Variants in MAN2A1 observed in about 807,000 individuals in gnomAD.
MAN2A1 encodes alpha-mannosidase 2.
In MAN2A1, 76 loss-of-function variants were observed where a neutral mutation model predicts 142.6. The observed-to-expected ratio is 0.53, with a 90% CI of 0.44 to 0.65. The LOEUF is 0.65. Among genes scored for constraint, MAN2A1 ranks in the 30% least tolerant of loss-of-function variants. The pLI, the probability that MAN2A1 is intolerant of heterozygous loss-of-function variation, is 0.00. For missense variants in MAN2A1, 1,311 were observed against 1,365.1 expected (o/e 0.96, Z 0.62); for synonymous variants, 559 against 473.2 (o/e 1.18, Z -2.35).
intron 1 of MAN2A1, among the ~76,000 whole-genome samples, chr5:109,698,285 G>A (rs1197749060): frequency 6.6e-6 from 1 of 152,216 alleles, no homozygotes; most frequent in Non-Finnish European, 1.5e-5. Flanking sequence ...GGTACTTTCA[G>A]GTTGTCAGCA....
At chr5:109,798,280 A>G (rs1338285398) in intron 12 of MAN2A1, among the ~76,000 whole-genome samples, 12 of 152,208 alleles carry the variant, frequency 7.9e-5, no homozygotes, top group Admixed American at 7.8e-4. Flanking sequence ...AAAAAATACC[A>G]ACTTCTGGTG....
At chr5:109,733,328 T>A (rs1446550073) in intron 4 of MAN2A1, among the ~76,000 whole-genome samples, 1 of 152,218 alleles carries the variant, frequency 6.6e-6, no homozygotes, top group Non-Finnish European at 1.5e-5. Context: ...TGTGACTTCC[T>A]CTTTTCCTAA....
intron 16 of MAN2A1, among the ~76,000 whole-genome samples, chr5:109,829,694 A>C (rs973386830): frequency 1.3e-5 from 2 of 152,168 alleles, no homozygotes; most frequent in Non-Finnish European, 2.9e-5. Context: ...TAAAATTTCC[A>C]TTGAAAGCCC....
chr5:109,796,437 T>C (rs1446323111), intron 12 of MAN2A1, among the ~76,000 whole-genome samples: 1 of 152,240 alleles, frequency 6.6e-6, no homozygotes, highest in Admixed American at 6.5e-5. Context: ...TCTTCTACTT[T>C]AACTTTTATT....
intron 4 of MAN2A1, among the ~76,000 whole-genome samples, chr5:109,733,909 A>G (rs910031526): frequency 6.6e-5 from 10 of 151,750 alleles, no homozygotes; most frequent in South Asian, 2.1e-4. Context: ...CTCTTTTTCT[A>G]TTGATTGGAA....
intron 16 of MAN2A1, among the ~76,000 whole-genome samples, chr5:109,827,891 G>A (rs2112736971): frequency 6.6e-6 from 1 of 152,224 alleles, no homozygotes; most frequent in East Asian, 1.9e-4. Flanking sequence ...CACAAGGTCA[G>A]GAGATCAAGA....
chr5:109,699,748 G>A, intron 1 of MAN2A1: 1 of 159,482 alleles, frequency 6.3e-6, no homozygotes. Flanking sequence ...GGAGGAAGGG[G>A]ACACCCGCCT....
intron 9 of MAN2A1, among the ~76,000 whole-genome samples, chr5:109,782,540 T>G (rs1753488537): frequency 6.6e-6 from 1 of 152,168 alleles, no homozygotes; most frequent in African/African-American, 2.4e-5. Context: ...AGTAATTCAT[T>G]TTCATGATGA....
chr5:109,714,956 C>T (rs1204182940), intron 2 of MAN2A1, among the ~76,000 whole-genome samples: 1 of 148,240 alleles, frequency 6.7e-6, no homozygotes, highest in Admixed American at 6.7e-5. Flanking sequence ...TCTTGAGTAC[C>T]TAGCCTTGTT....
chr5:109,851,519 T>C (rs1755481308), intron 19 of MAN2A1, among the ~76,000 whole-genome samples: 1 of 152,182 alleles, frequency 6.6e-6, no homozygotes, highest in Non-Finnish European at 1.5e-5. Context: ...TCTCTTGCAC[T>C]CTCTTGCCTT....
intron 3 of MAN2A1, 58 bp downstream of exon 3, chr5:109,716,322 T>C: frequency 6.9e-7 from 1 of 1,443,104 alleles, no homozygotes; most frequent in Non-Finnish European, 9.4e-7. Context: ...GCCTAGAGTC[T>C]TTTAATGAGA....
At chr5:109,831,272 C>A (rs555615492) in intron 16 of MAN2A1, among the ~76,000 whole-genome samples, 16 of 152,100 alleles carry the variant, frequency 1.1e-4, no homozygotes, top group East Asian at 1.9e-4. Flanking sequence ...TATCTACTTA[C>A]AAGAGTGAGT....
At chr5:109,847,300 C>T (rs1269851905) in intron 18 of MAN2A1, among the ~76,000 whole-genome samples, 2 of 152,048 alleles carry the variant, frequency 1.3e-5, no homozygotes, top group Non-Finnish European at 2.9e-5. Context: ...TTTTTGATTC[C>T]AAATGGTGCT....
intron 5 of MAN2A1, among the ~76,000 whole-genome samples, chr5:109,761,651 T>C (rs955680626): frequency 6.6e-6 from 1 of 152,084 alleles, no homozygotes; most frequent in Non-Finnish European, 1.5e-5. Flanking sequence ...TGTACTACAT[T>C]TGTATTTTTT....
intron 5 of MAN2A1, among the ~76,000 whole-genome samples, chr5:109,757,209 T>C (rs886894825): frequency 6.6e-6 from 1 of 152,150 alleles, no homozygotes; most frequent in African/African-American, 2.4e-5. Context: ...AAGGTGGTCT[T>C]GGGGACCCTC....
intron 4 of MAN2A1, among the ~76,000 whole-genome samples, chr5:109,734,431 C>G (rs1308569332): frequency 2.6e-5 from 4 of 151,592 alleles, no homozygotes; most frequent in Non-Finnish European, 2.9e-5. Context: ...TGTGTTTGCT[C>G]TTGTTTCTCT....
chr5:109,780,778 G>A (rs1055639601), intron 8 of MAN2A1, among the ~76,000 whole-genome samples: 1 of 152,150 alleles, frequency 6.6e-6, no homozygotes, highest in Non-Finnish European at 1.5e-5. Flanking sequence ...TAAGCAGCCA[G>A]ACTTGCCATT....
chr5:109,867,090 G>C lies in MAN2A1; in HGVS notation c.*92G>C, dbSNP rs1329970334. On this transcript the variant is annotated 3_prime_UTR_variant, in exon 22 of 22. Transcript: ENST00000261483. ...AAGAAGCACATTATTTTAGCTTCTG[G>C]CTACTGTGAGAACATGAATTCTGTG... is the stretch of plus-strand genomic sequence containing the variant. 1.0e-6 allele frequency: 1 copy of C among 983,724 alleles called. No individual in the cohort carries two copies. Among genetic ancestry groups the C allele is most frequent in the Non-Finnish European group, 1.4e-6 (1 of 690,506 alleles). The allele number at this position is 983,724 out of a possible 1,614,324, so 60.9% of individuals were successfully genotyped here. A position where few individuals can be genotyped will look rare whatever the true frequency, so the allele number is the denominator to read the frequency against.
chr5:109,812,149 A>C (rs1754336937), intron 12 of MAN2A1, among the ~76,000 whole-genome samples: 3 of 152,172 alleles, frequency 2.0e-5, no homozygotes, highest in Admixed American at 2.0e-4. Flanking sequence ...GTGGTTTTCT[A>C]AACATTTTAT....
Sources: allele counts gnomAD v4.1 joint callset (sites outside exome capture counted in the v4.1 genomes callset), GRCh38; gene constraint gnomAD v4.1.1; transcripts MANE v1.5; gene names NCBI Gene and HGNC (gene_info 2026-07-23, HGNC 2026-07-21).